GATA2: variants seen among roughly 807,000 people sequenced by gnomAD.
The protein encoded by GATA2 is endothelial transcription factor GATA-2.
In GATA2, 6 loss-of-function variants were observed where a neutral mutation model predicts 35.7. That is an observed-to-expected ratio of 0.17 (90% CI 0.09 to 0.33). The LOEUF (loss-of-function observed/expected upper bound fraction) is 0.33, where lower values mean the gene tolerates loss of function less well. Ranked by LOEUF, GATA2 falls within the 10% of genes least tolerant of loss-of-function variation. GATA2 has a pLI of 1.00. For missense variants in GATA2, 541 were observed against 656.6 expected (o/e 0.82, Z 1.92); for synonymous variants, 313 against 274.9 (o/e 1.14, Z -1.37).
At chr3:128,482,338 C>T (rs1471954733) in intron 4 of GATA2, among the ~76,000 whole-genome samples, 1 of 152,070 alleles carries the variant, frequency 6.6e-6, no homozygotes, top group African/African-American at 2.4e-5. Context: ...GATCTGGGGC[C>T]GATTCTGTGT....
At chr3:128,482,568 GCCAGGGGCTAC>G (rs1268678348) in intron 4 of GATA2, among the ~76,000 whole-genome samples, 2 of 152,152 alleles carry the variant, frequency 1.3e-5, no homozygotes, top group Non-Finnish European at 2.9e-5. Flanking sequence ...TTCACATGTG[GCCAGGGGCTAC>G]CACAGTGGGC....
At chr3:128,482,540 C>T (rs2068643390) in intron 4 of GATA2, among the ~76,000 whole-genome samples, 1 of 152,250 alleles carries the variant, frequency 6.6e-6, no homozygotes, top group Non-Finnish European at 1.5e-5. Flanking sequence ...GCACGAGCCA[C>T]ATTTCAAGTG....
chr3:128,490,829 A>G (rs114915211), intron 1 of GATA2, among the ~76,000 whole-genome samples: 112 of 152,240 alleles, frequency 7.4e-4, no homozygotes, highest in African/African-American at 2.6e-3. Context: ...ATTTACTCCA[A>G]TTTATGGGCT....
rs1336779925 is a variant in GATA2, at chr3:128,486,268, G to C, written c.330C>G (p.Ala110=). 1 of 1,572,288 alleles carries C rather than the reference G, an allele frequency of 6.4e-7. No individual in the cohort carries two copies. Reference sequence around the variant, plus strand: ...TCACGGTCCAGGGGTTGTGGTGGTGGGCCGCAGCGGCAGAGAGGGCTGCTT... The same window carrying C: ...TCACGGTCCAGGGGTTGTGGTGGTGCGCCGCAGCGGCAGAGAGGGCTGCTT... ...GGKAALSAAA[A]HHHNPWTVSP... The change falls in exon 3 of 6, where the codon GCC becomes GCG. Residue 110 remains alanine (A), a synonymous_variant. Coordinates refer to ENST00000341105, the MANE Select transcript of GATA2 (RefSeq NM_032638.5).
chr3:128,492,278 G>C (rs1168985258), intron 1 of GATA2: 2 of 152,248 alleles, frequency 1.3e-5, no homozygotes, highest in Non-Finnish European at 2.9e-5. Flanking sequence ...CCAGAACGCC[G>C]TCTACGCCTA....
Position 128,480,473 on chromosome 3 carries a change from G to GCATGCCAGCAC in GATA2, c.*545_*546insGTGCTGGCATG. 4.2e-6 allele frequency: 1 copy of GCATGCCAGCAC among 238,982 alleles called. No individual in the cohort carries two copies. The highest frequency in any genetic ancestry group is 5.6e-5 in the Admixed American group (1 of 17,970). 14.8% of individuals were successfully genotyped at this position (238,982 alleles called of 1,614,324 possible). A position where few individuals can be genotyped will look rare whatever the true frequency, so the allele number is the denominator to read the frequency against. The stretch of plus-strand genomic sequence containing the variant: ...GGCACCAGCTCACCCTCCCTGGGCC[G>GCATGCCAGCAC]TGGCCACTCTGGCTTTGGCTCAGCC... On this transcript the variant is annotated 3_prime_UTR_variant, in exon 6 of 6. Coordinates refer to ENST00000341105, the MANE Select transcript of GATA2 (RefSeq NM_032638.5).
intron 1 of GATA2, among the ~76,000 whole-genome samples, chr3:128,491,047 A>G (rs545269657): frequency 6.6e-6 from 1 of 152,206 alleles, no homozygotes; most frequent in East Asian, 1.9e-4. Flanking sequence ...TTGGCCCGAG[A>G]ACTCACAGCG....
At chr3:128,485,689 C>T (rs1476714291) in intron 3 of GATA2, 38 bp downstream of exon 3, 1 of 1,605,960 alleles carries the variant, frequency 6.2e-7, no homozygotes, top group South Asian at 1.1e-5. Context: ...AACGCAAATG[C>T]TCCCCTCTTC....
In GATA2 at chr3:128,486,126, A is replaced by G. The variant is rs2068695007; in HGVS notation, c.472T>C (p.Ser158Pro). 1 of 1,609,024 alleles carries G rather than the reference A, an allele frequency of 6.2e-7. No individual in the cohort carries two copies. Residue 158 changes from serine to proline, a missense_variant, in exon 3 of 6, where the codon TCC becomes CCC. Physicochemically the swap from Ser to Pro is moderately conservative, Grantham distance 74 (BLOSUM62 -1). Coordinates refer to ENST00000341105, the MANE Select transcript of GATA2 (RefSeq NM_032638.5). Reference protein sequence around the residue: ...SGGGSGSSVASLTPTAAHSGS... With the variant: ...SGGGSGSSVAPLTPTAAHSGS... ...GAGTGGGCTGCTGTAGGGGTGAGGG[A>G]GGCCACTGAGCTCCCGCTGCCTCCC...
intron 2 of GATA2, 100 bp downstream of exon 2, chr3:128,486,703 T>G: frequency 8.3e-7 from 1 of 1,200,664 alleles, no homozygotes; most frequent in Non-Finnish European, 1.2e-6. Context: ...GCTCGATTCC[T>G]GCGGATCCTA....
intron 1 of GATA2, chr3:128,490,586 G>C (rs1004804305): frequency 6.6e-6 from 1 of 152,272 alleles, no homozygotes; most frequent in Non-Finnish European, 1.5e-5. Context: ...GCCTGGGAGA[G>C]AGAAATGCGA....
At position 128,488,578 on chromosome 3, in the gene GATA2, C is replaced by T. The variant is rs1400552108; in HGVS notation, c.-45-1502G>A. ...CCAGAAAGGGGGAGGGGGCACCCCT[C>T]CCCGGGCGTGGCCTTCGCAGGCCAA... is the stretch of plus-strand genomic sequence containing the variant. On this transcript the variant is annotated intron_variant, in intron 1 of 5. Coordinates refer to ENST00000341105, the MANE Select transcript of GATA2 (RefSeq NM_032638.5). This position sits in a 1 kb window ranked among gnomAD's most constrained non-coding sequence, Gnocchi z 5.8. 6.6e-6 allele frequency: 1 copy of T among 152,186 alleles called. No homozygotes were observed. The highest frequency in any genetic ancestry group is 1.5e-5 in the Non-Finnish European group (1 of 68,058). The allele number at this position is 152,186 out of a possible 1,614,324, so 9.4% of individuals were successfully genotyped here.
intron 1 of GATA2, among the ~76,000 whole-genome samples, chr3:128,492,422 G>C (rs1268359111): frequency 6.6e-6 from 1 of 152,224 alleles, no homozygotes; most frequent in Non-Finnish European, 1.5e-5. Context: ...CAGTCACACA[G>C]GATAAAGGGC....
Position 128,481,849 on chromosome 3 carries a change from G to A in GATA2, c.1113C>T (p.Asn371=), listed in dbSNP as rs376003468. The A allele has an allele frequency of 4.0e-5, 65 of 1,613,978 alleles. No individual in the cohort carries two copies. The highest frequency in any genetic ancestry group is 3.6e-5 in the Non-Finnish European group (43 of 1,180,032). Residue 371 remains asparagine, a synonymous_variant, in exon 5 of 6, where the codon AAC becomes AAT. Transcript: ENST00000341105. The part of the protein sequence containing the change: ...RRNANGDPVC[N]ACGLYYKLHN... ...GCAGCTTGTAGTAGAGGCCACAGGC[G>A]TTGCAGACAGGGTCCCCGTTGGCGT... is the stretch of plus-strand genomic sequence containing the variant.
chr3:128,483,089 C>T (rs759659302), intron 4 of GATA2, among the ~76,000 whole-genome samples: 1 of 152,262 alleles, frequency 6.6e-6, no homozygotes, highest in Non-Finnish European at 1.5e-5. Context: ...GGCCTCACCC[C>T]GCCCTCGCTC....
In GATA2 at chr3:128,486,853, T is replaced by A. The variant is rs750003894; in HGVS notation, c.179A>T (p.Tyr60Phe). 3 of 1,612,138 alleles carry A rather than the reference T, an allele frequency of 1.9e-6. No individual in the cohort carries two copies. Among genetic ancestry groups the A allele is most frequent in the South Asian group, 1.1e-5 (1 of 90,502 alleles). Reference sequence around the variant, plus strand: ...CGCCCGCGCGTGAGCGGGGTTGGCATAGTAGGGGTTGCCCTGCGAGTCGAG... The same window carrying A: ...CGCCCGCGCGTGAGCGGGGTTGGCAAAGTAGGGGTTGCCCTGCGAGTCGAG... ...NHLDSQGNPY[Y>F]ANPAHARARV... The change falls in exon 2 of 6, where the codon TAT (tyrosine) becomes TTT (phenylalanine). Residue 60 changes from tyrosine (Y) to phenylalanine (F), a missense_variant. Physicochemically the swap from Tyr to Phe is conservative, Grantham distance 22. Around this residue, in one of 5 missense-constraint regions of GATA2, gnomAD observed 389 missense variants for 396.9 expected, o/e 0.98. Transcript: ENST00000341105.
intron 5 of GATA2, 100 bp downstream of exon 5, chr3:128,481,719 C>G (rs2068630956): frequency 2.1e-6 from 3 of 1,453,554 alleles, no homozygotes; most frequent in Non-Finnish European, 2.8e-6. Flanking sequence ...CTTCCCAAGC[C>G]AAGCCAAGCT....
At chr3:128,491,053 C>T (rs572329076) in intron 1 of GATA2, among the ~76,000 whole-genome samples, 5 of 152,312 alleles carry the variant, frequency 3.3e-5, no homozygotes, top group South Asian at 4.1e-4. Context: ...CGAGAACTCA[C>T]AGCGGCGATC....
At chr3:128,486,679 C>G (rs1395055481) in intron 2 of GATA2, 124 bp downstream of exon 2, 23 of 1,073,342 alleles carry the variant, frequency 2.1e-5, no homozygotes, top group Non-Finnish European at 3.1e-5. Context: ...CTCTCCCGCC[C>G]CAATTTTTCA....
Sources: gnomAD v4.1 joint callset for allele counts (sites outside exome capture counted in the v4.1 genomes callset) on GRCh38, gnomAD v4.1.1 for gene constraint, gnomAD v4.1.1 regional missense constraint, Gnocchi (gnomAD v3.1) non-coding constraint, MANE v1.5 for transcripts, NCBI Gene and HGNC (gene_info 2026-07-23, HGNC 2026-07-21) for gene names.